Variants in WWOX observed in about 807,000 individuals in gnomAD.
The protein encoded by WWOX is WW domain containing oxidoreductase.
WWOX carries 69 observed loss-of-function variants against 46.2 expected under a neutral mutation model. The observed-to-expected ratio is 1.49, with a 90% CI of 1.23 to 1.82. WWOX has a LOEUF of 1.82. Ranked by LOEUF, WWOX falls within the 40% of genes most tolerant of loss-of-function variation. The pLI, the probability that WWOX is intolerant of heterozygous loss-of-function variation, is 0.00. For synonymous variants in WWOX, 359 were observed against 202.6 expected, an observed-to-expected ratio of 1.77 and a Z score of -6.56; for missense variants, 919 against 542.6, an observed-to-expected ratio of 1.69 and a Z score of -6.89.
intron 8 of WWOX, among the ~76,000 whole-genome samples, chr16:78,978,838 G>T (rs536528981): frequency 6.6e-6 from 1 of 152,072 alleles, no homozygotes; most frequent in South Asian, 2.1e-4. Flanking sequence ...CTCCCACCAG[G>T]CCCCACCTCC....
chr16:78,860,898 C>G (rs567396331), intron 8 of WWOX, among the ~76,000 whole-genome samples: 24 of 152,256 alleles, frequency 1.6e-4, no homozygotes, highest in Middle Eastern at 3.4e-3. Context: ...GTGCAGTGGC[C>G]TCAACCTCCC....
chr16:79,109,649 CTG>C (rs2049378712), intron 8 of WWOX, among the ~76,000 whole-genome samples: 1 of 152,094 alleles, frequency 6.6e-6, no homozygotes. Flanking sequence ...AAAATGAACA[CTG>C]GGGTATTTCG....
chr16:78,398,777 A>T (rs112128351), intron 6 of WWOX, among the ~76,000 whole-genome samples: 1 of 152,220 alleles, frequency 6.6e-6, no homozygotes, highest in Non-Finnish European at 1.5e-5. Context: ...ATGGGAAAGG[A>T]TACTAACACC....
intron 8 of WWOX, among the ~76,000 whole-genome samples, chr16:78,442,198 G>A (rs1481849259): frequency 6.6e-6 from 1 of 152,078 alleles, no homozygotes; most frequent in African/African-American, 2.4e-5. Context: ...ATATTCATAT[G>A]CATTGTGAAA....
intron 8 of WWOX, among the ~76,000 whole-genome samples, chr16:78,903,937 C>G (rs1002714342): frequency 6.6e-6 from 1 of 152,158 alleles, no homozygotes; most frequent in Non-Finnish European, 1.5e-5. Flanking sequence ...GTCATTTTCT[C>G]CGGGCCAGCC....
chr16:79,201,751 CTGACT>C (rs1176963670), intron 8 of WWOX, among the ~76,000 whole-genome samples: 2 of 148,296 alleles, frequency 1.3e-5, no homozygotes, highest in Non-Finnish European at 2.9e-5. Context: ...TTTTGTCTTC[CTGACT>C]TTTTTCTTCC....
At chr16:78,408,115 G>C (rs533229726) in intron 6 of WWOX, among the ~76,000 whole-genome samples, 62 of 152,220 alleles carry the variant, frequency 4.1e-4, no homozygotes, top group Non-Finnish European at 6.0e-4. Flanking sequence ...CCACTTCCAA[G>C]TTGAAGACAG....
chr16:78,662,771 G>T (rs919076985), intron 8 of WWOX, among the ~76,000 whole-genome samples: 2 of 152,182 alleles, frequency 1.3e-5, no homozygotes, highest in Non-Finnish European at 2.9e-5. Context: ...CTGCACAGTT[G>T]TTGGCAAGAT....
At chr16:78,104,346 CGCAT>C (rs369748691) in intron 1 of WWOX, among the ~76,000 whole-genome samples, 16 of 138,044 alleles carry the variant, frequency 1.2e-4, no homozygotes, top group African/African-American at 3.2e-4. Context: ...CACGCACGCA[CGCAT>C]GCACGCACAT....
intron 8 of WWOX, among the ~76,000 whole-genome samples, chr16:78,817,900 A>T (rs1309386376): frequency 6.6e-6 from 1 of 152,154 alleles, no homozygotes; most frequent in Non-Finnish European, 1.5e-5. Context: ...AAACCATCTC[A>T]TTGGGCTTTC....
In WWOX at chr16:78,760,805, C is replaced by G. The variant is rs534924455; in HGVS notation, c.1056+328053C>G. Among the ~76,000 whole-genome samples the G allele has an allele frequency of 1.3e-3, 199 of 152,218 alleles. 1 individual carries two copies. The highest frequency in any genetic ancestry group is 4.6e-3 in the African/African-American group (192 of 41,540). On this transcript the variant is annotated intron_variant, in intron 8 of 8. Transcript: ENST00000566780. ...TTTCACTCTGCTGATAAAGACATACCCAAGACTGTGCAATTTACAAAAGAA... is the reference window on the plus strand; with the variant it reads ...TTTCACTCTGCTGATAAAGACATACGCAAGACTGTGCAATTTACAAAAGAA...
In WWOX at chr16:78,887,575, G is replaced by A. The variant is rs181432698; in HGVS notation, c.1057-324033G>A. Among the ~76,000 whole-genome samples, 196 of 151,544 alleles carry A rather than the reference G, an allele frequency of 1.3e-3. 1 individual carries two copies. The highest frequency in any genetic ancestry group is 2.1e-3 in the Admixed American group (32 of 15,236). On this transcript the variant is annotated intron_variant, in intron 8 of 8. Coordinates refer to ENST00000566780, the MANE Select transcript of WWOX (RefSeq NM_016373.4). ...CCAAAACACTTGAATCATTTTCTTC[G>A]GGAGTTGAACAAGTGGCTGAAAATG...
In WWOX at chr16:78,681,419, A is replaced by G. The variant is rs147008317; in HGVS notation, c.1056+248667A>G. 4.0e-3 allele frequency among the ~76,000 whole-genome samples: 604 copies of G among 152,226 alleles called. 2 individuals carry two copies. The highest frequency in any genetic ancestry group is 0.014 in the African/African-American group (565 of 41,546). On this transcript the variant is annotated intron_variant, in intron 8 of 8. Transcript: ENST00000566780. The stretch of plus-strand genomic sequence containing the variant: ...ACTCTGTCTCAAAAAACCAAAACAA[A>G]GGTCAATTTTTTTTCCACATTCATC...
intron 8 of WWOX, among the ~76,000 whole-genome samples, chr16:78,914,697 G>T (rs1007540957): frequency 2.0e-5 from 3 of 151,582 alleles, no homozygotes; most frequent in Admixed American, 2.0e-4. Context: ...GGCTAACACG[G>T]TGAAACCCCG....
intron 5 of WWOX, among the ~76,000 whole-genome samples, chr16:78,304,437 A>G (rs2080096715): frequency 6.6e-6 from 1 of 152,198 alleles, no homozygotes; most frequent in South Asian, 2.1e-4. Context: ...GAATTTTCAG[A>G]TGAATGAGAA....
At chr16:78,854,138 A>T (rs955534592) in intron 8 of WWOX, among the ~76,000 whole-genome samples, 1 of 152,134 alleles carries the variant, frequency 6.6e-6, no homozygotes, top group African/African-American at 2.4e-5. Context: ...CAGTTATTTC[A>T]TTTCGCATCT....
At chr16:78,393,411 G>A (rs999899711) in intron 6 of WWOX, among the ~76,000 whole-genome samples, 8 of 152,108 alleles carry the variant, frequency 5.3e-5, no homozygotes, top group South Asian at 2.1e-4. Context: ...TAATCCCAGC[G>A]CTTTTGGGAG....
intron 5 of WWOX, among the ~76,000 whole-genome samples, chr16:78,356,059 AT>A (rs1178007962): frequency 5.5e-5 from 4 of 73,260 alleles, no homozygotes; most frequent in African/African-American, 1.3e-4. Context: ...GACCACCAAG[AT>A]TTTTTTTTCC....
chr16:79,007,630 A>T (rs1467305555), intron 8 of WWOX, among the ~76,000 whole-genome samples: 1 of 152,224 alleles, frequency 6.6e-6, no homozygotes, highest in Non-Finnish European at 1.5e-5. Context: ...TAAAATTATT[A>T]TCTCCTTAAA....
Sources: gnomAD v4.1 joint callset for allele counts (sites outside exome capture counted in the v4.1 genomes callset) on GRCh38, gnomAD v4.1.1 for gene constraint, MANE v1.5 for transcripts, NCBI Gene and HGNC (gene_info 2026-07-23, HGNC 2026-07-21) for gene names.